GRIA3: variants seen among roughly 807,000 people sequenced by gnomAD.
The protein encoded by GRIA3 is glutamate receptor 3.
A neutral mutation model predicts 63.0 loss-of-function variants in GRIA3; 3 were observed. The observed-to-expected ratio is 0.05, with a 90% CI of 0.02 to 0.12. The LOEUF (loss-of-function observed/expected upper bound fraction) is 0.12, where lower values mean the gene tolerates loss of function less well. Ranked by LOEUF, GRIA3 falls within the 10% of genes least tolerant of loss-of-function variation. The probability of loss-of-function intolerance (pLI) is 1.00; values close to 1 mark genes in which losing one functional copy is unlikely to be tolerated. For missense variants in GRIA3, 347 were observed against 700.9 expected (o/e 0.50, Z 5.70); for synonymous variants, 274 against 257.9 (o/e 1.06, Z -0.60).
intron 5 of GRIA3, among the ~76,000 whole-genome samples, chrX:123,380,471 C>T (rs762311709): frequency 2.2e-4 from 25 of 111,633 alleles, no homozygotes; most frequent in East Asian, 2.0e-3. Context: ...TCATATCCTT[C>T]GCCCACTTTT....
chrX:123,236,002 AGGACGTTTCTTCAGCCTTTCCAGG>A (rs1223663651), intron 2 of GRIA3, among the ~76,000 whole-genome samples: 1 of 111,471 alleles, frequency 9.0e-6, no homozygotes, highest in African/African-American at 3.3e-5. Flanking sequence ...CTTTCCACAC[AGGACGTTTCTTCAGCCTTTCCAGG>A]GGCCTCTCTT....
intron 12 of GRIA3, among the ~76,000 whole-genome samples, chrX:123,437,444 A>AT (rs1388570579): frequency 1.8e-5 from 2 of 110,754 alleles, no homozygotes; most frequent in African/African-American, 6.6e-5. Flanking sequence ...AGGAGGTAAC[A>AT]TTTTATTAGA....
At chrX:123,483,848 C>T (rs1181452165) in intron 15 of GRIA3, among the ~76,000 whole-genome samples, 1 of 110,701 alleles carries the variant, frequency 9.0e-6, no homozygotes, top group Non-Finnish European at 1.9e-5. Flanking sequence ...AGGAGAATGG[C>T]GTGAACCTGG....
chrX:123,200,824 A>G (rs1362781705), intron 2 of GRIA3, among the ~76,000 whole-genome samples: 1 of 111,103 alleles, frequency 9.0e-6, no homozygotes, highest in African/African-American at 3.3e-5. Flanking sequence ...TTATTCCTCC[A>G]CCGGGTAGGG....
In GRIA3 at chrX:123,403,433, G is replaced by A. The variant is rs1293527221; in HGVS notation, c.1207G>A (p.Glu403Lys). 2 of 1,187,386 alleles carry A rather than the reference G, an allele frequency of 1.7e-6. No homozygotes were observed. Among genetic ancestry groups the A allele is most frequent in the Non-Finnish European group, 2.3e-6 (2 of 873,097 alleles). Residue 403 changes from glutamate (E) to lysine (K), a missense_variant, in exon 9 of 16, where the codon GAA (glutamate) becomes AAA (lysine). This residue lies in a region of GRIA3 where 65 missense variants were observed against 145.8 expected (regional missense o/e 0.45). Transcript: ENST00000620443. The stretch of plus-strand genomic sequence containing the variant: ...CTAGGCTGGCTACTGGAATGAGTAT[G>A]AAAGGTTTGTGCCTTTCTCAGATCA... The part of the protein sequence containing the change: ...SRKAGYWNEY[E>K]RFVPFSDQQI...
At chrX:123,382,186 T>A (rs2045328704) in intron 5 of GRIA3, among the ~76,000 whole-genome samples, 1 of 112,202 alleles carries the variant, frequency 8.9e-6, no homozygotes, top group African/African-American at 3.2e-5. Flanking sequence ...TGTTACCTTC[T>A]TTCTTTTTTC....
intron 12 of GRIA3, among the ~76,000 whole-genome samples, chrX:123,448,870 T>A (rs1275659648): frequency 8.9e-6 from 1 of 112,088 alleles, no homozygotes; most frequent in Non-Finnish European, 1.9e-5. Context: ...GGGGAGAAAC[T>A]AAGTGCTTAC....
intron 12 of GRIA3, among the ~76,000 whole-genome samples, chrX:123,453,148 C>A (rs1408746641): frequency 8.9e-6 from 1 of 111,846 alleles, no homozygotes; most frequent in African/African-American, 3.3e-5. Flanking sequence ...ACCCAAATGT[C>A]CATCAATGAT....
chrX:123,284,585 C>T (rs1032014102), intron 3 of GRIA3, among the ~76,000 whole-genome samples: 2 of 110,204 alleles, frequency 1.8e-5, no homozygotes, highest in East Asian at 2.9e-4. Context: ...AAACACAGCA[C>T]GAGAACTTCA....
chrX:123,301,071 A>C (rs762649800), intron 3 of GRIA3, among the ~76,000 whole-genome samples: 3 of 111,062 alleles, frequency 2.7e-5, no homozygotes, highest in Non-Finnish European at 5.7e-5. Flanking sequence ...ATTTGCTGAG[A>C]AGTGCTTTAC....
Position 123,327,857 on chromosome X carries a change from G to A in GRIA3, c.696+1644G>A, listed in dbSNP as rs866064058. 1.7e-4 allele frequency among the ~76,000 whole-genome samples: 19 copies of A among 110,115 alleles called. No homozygotes were observed. The Middle Eastern group carries it at 0.014, about 82-fold the overall frequency. ...CACAAAAAAAAAAATACCTTCCTTT[G>A]ATTTTCTTAGATCTTGAAAGTGAAG... On this transcript the variant is annotated intron_variant, in intron 4 of 15. Coordinates refer to ENST00000620443, the MANE Select transcript of GRIA3 (RefSeq NM_007325.5).
At chrX:123,310,560 C>T (rs1301049008) in intron 3 of GRIA3, among the ~76,000 whole-genome samples, 1 of 113,269 alleles carries the variant, frequency 8.8e-6, no homozygotes, top group Non-Finnish European at 1.9e-5. Context: ...CAGCTCTAGA[C>T]AAAGTGTTAA....
At chrX:123,225,641 A>AC (rs199740750) in intron 2 of GRIA3, among the ~76,000 whole-genome samples, 26,413 of 110,657 alleles carry the variant, frequency 0.24, 2,461 homozygotes, top group African/African-American at 0.35. Flanking sequence ...AAATCCAAAG[A>AC]CTTTTTTTCT....
intron 2 of GRIA3, among the ~76,000 whole-genome samples, chrX:123,243,090 T>TA (rs201777314): frequency 1.0e-4 from 11 of 108,952 alleles, no homozygotes; most frequent in African/African-American, 3.7e-4. Context: ...AACTTGACCT[T>TA]AAAAAAAAAC....
At chrX:123,485,752 A>G (rs927212241) in intron 15 of GRIA3, among the ~76,000 whole-genome samples, 1 of 111,780 alleles carries the variant, frequency 8.9e-6, no homozygotes, top group African/African-American at 3.3e-5. Context: ...CAACGATTCC[A>G]TCTGAGAATT....
intron 3 of GRIA3, among the ~76,000 whole-genome samples, chrX:123,277,932 C>T (rs1381768796): frequency 2.7e-5 from 3 of 111,972 alleles, no homozygotes; most frequent in Non-Finnish European, 5.6e-5. Flanking sequence ...GGTTGAAAAT[C>T]CTTGAACTGG....
At chrX:123,356,647 G>T (rs770948251) in intron 5 of GRIA3, among the ~76,000 whole-genome samples, 37 of 111,794 alleles carry the variant, frequency 3.3e-4, no homozygotes, top group African/African-American at 8.4e-4. Context: ...ATAGCAAGGG[G>T]GATAAAGAGA....
At chrX:123,322,530 C>A (rs2044874963) in intron 3 of GRIA3, among the ~76,000 whole-genome samples, 1 of 111,813 alleles carries the variant, frequency 8.9e-6, no homozygotes. Context: ...GCACCAATGC[C>A]TGTTTTTTTC....
intron 4 of GRIA3, among the ~76,000 whole-genome samples, chrX:123,341,927 C>T (rs1385880406): frequency 9.0e-6 from 1 of 111,329 alleles, no homozygotes; most frequent in East Asian, 2.8e-4. Flanking sequence ...AAAGATTTTT[C>T]CTGAAGTAGC....
Sources: allele counts gnomAD v4.1 joint callset (sites outside exome capture counted in the v4.1 genomes callset), GRCh38; gene constraint gnomAD v4.1.1; regional missense constraint gnomAD v4.1.1; transcripts MANE v1.5; gene names NCBI Gene and HGNC (gene_info 2026-07-23, HGNC 2026-07-21).